CC2D1A: variants seen among roughly 807,000 people sequenced by gnomAD.
The protein encoded by CC2D1A is coiled-coil and C2 domain containing 1A.
CC2D1A carries 68 observed loss-of-function variants against 123.8 expected under a neutral mutation model. The ratio of observed to expected loss-of-function variants is 0.55; its 90% CI spans 0.45 to 0.67. CC2D1A has a LOEUF of 0.67. Ranked by LOEUF, CC2D1A falls within the 30% of genes least tolerant of loss-of-function variation. CC2D1A has a pLI of 0.00. For synonymous variants in CC2D1A, 477 were observed against 528.0 expected (o/e 0.90, Z 1.32); for missense variants, 1,185 against 1,290.3 (o/e 0.92, Z 1.25).
intron 17 of CC2D1A, among the ~76,000 whole-genome samples, chr19:13,925,889 C>T (rs1291434940): frequency 1.5e-5 from 2 of 134,146 alleles, no homozygotes; most frequent in African/African-American, 5.8e-5. Context: ...CATTGTACTC[C>T]AGCCTGGGCG....
intron 1 of CC2D1A, among the ~76,000 whole-genome samples, chr19:13,908,914 C>G (rs566333628): frequency 6.6e-6 from 1 of 151,944 alleles, no homozygotes; most frequent in South Asian, 2.1e-4. Flanking sequence ...TCTCTCCCTC[C>G]CCGGCTCCAT....
In CC2D1A at chr19:13,918,928, G is replaced by A. The variant is rs887935645; in HGVS notation, c.1035G>A (p.Pro345=). 1.1e-5 allele frequency: 18 copies of A among 1,610,618 alleles called. No homozygotes were observed. Among genetic ancestry groups the A allele is most frequent in the Non-Finnish European group, 1.4e-5 (17 of 1,178,140 alleles). The change falls in exon 10 of 29, where the codon CCG becomes CCA. Residue 345 remains proline (P), a synonymous_variant. Coordinates refer to ENST00000318003, the MANE Select transcript of CC2D1A (RefSeq NM_017721.5). ...APSTTEVPPP[P]RTLLEALEQR... is the part of the protein sequence containing the mutation. ...CCGGCCCAGAGGTGCCCCCACCCCC[G>A]AGGACCCTGCTGGAGGCGCTGGAGC... is the stretch of plus-strand genomic sequence containing the variant.
rs1406895398 is a variant in CC2D1A at position 13,930,665 on chromosome 19, G to A, written c.*270G>A. Reference sequence around the variant, plus strand: ...CCCAGGGGTGTCCGGCCTCTGGCCCGCCCCGGAGCAGGGAGGGTGGCTGGG... The same window carrying A: ...CCCAGGGGTGTCCGGCCTCTGGCCCACCCCGGAGCAGGGAGGGTGGCTGGG... On this transcript the variant is annotated 3_prime_UTR_variant, in exon 29 of 29. Transcript: ENST00000318003. This position sits in a 1 kb window ranked among gnomAD's most constrained non-coding sequence, Gnocchi z 6.8. The A allele has an allele frequency of 1.6e-5, 8 of 505,448 alleles. No homozygotes were observed. The highest frequency in any genetic ancestry group is 5.8e-5 in the African/African-American group (3 of 51,396). The allele number at this position is 505,448 out of a possible 1,614,324, so 31.3% of individuals were successfully genotyped here.
At chr19:13,911,854 C>T (rs1971012219) in intron 2 of CC2D1A, among the ~76,000 whole-genome samples, 2 of 151,880 alleles carry the variant, frequency 1.3e-5, no homozygotes, top group Non-Finnish European at 2.9e-5. Flanking sequence ...TAGCTGGGAC[C>T]ACAGGCGCCC....
chr19:13,920,514 C>T, intron 12 of CC2D1A, 43 bp from the exon 13 acceptor site: 3 of 1,188,396 alleles, frequency 2.5e-6, no homozygotes, highest in African/African-American at 1.5e-5. Flanking sequence ...GGACTCATCA[C>T]AGGCGCTACG....
chr19:13,929,712 T>TG (rs560230365), intron 26 of CC2D1A, 52 bp downstream of exon 26: 29 of 190,326 alleles, frequency 1.5e-4, no homozygotes, highest in East Asian at 3.9e-4. Flanking sequence ...AGGATAGGCA[T>TG]GGGGGGGGAG....
chr19:13,918,139 A>C lies in CC2D1A; in HGVS notation c.818A>C (p.His273Pro), dbSNP rs757068406. Residue 273 changes from histidine to proline, a missense_variant, in exon 7 of 29, where the codon CAC becomes CCC. By Grantham distance (77) the His-to-Pro change is moderately conservative. Coordinates refer to ENST00000318003, the MANE Select transcript of CC2D1A (RefSeq NM_017721.5). ...RQRDYKLAAL[H>P]AKQQGDTTAA... is the part of the protein sequence containing the mutation. ...CGCGACTACAAGCTGGCTGCCCTCCACGCCAAGCAGCAGGGAGATACCACT... is the reference window on the plus strand; with the variant it reads ...CGCGACTACAAGCTGGCTGCCCTCCCCGCCAAGCAGCAGGGAGATACCACT... 2 of 1,610,996 alleles carry C rather than the reference A, an allele frequency of 1.2e-6. No homozygotes were observed. Among genetic ancestry groups the C allele is most frequent in the Non-Finnish European group, 1.7e-6 (2 of 1,179,466 alleles).
rs1011061003 is a variant in CC2D1A, at chr19:13,906,457, G to A, written c.16G>A (p.Gly6Arg). MHKRK[G>R]PPGPPGRGAA... ...AGCCTTGAAGATGCACAAGAGGAAA[G>A]GACCCCCGGGACCCCCGGGCAGAGG... is the stretch of plus-strand genomic sequence containing the variant. Residue 6 changes from glycine (G) to arginine (R), a missense_variant, in exon 1 of 29, where the codon GGA becomes AGA. By Grantham distance (125) the Gly-to-Arg change is moderately radical. Coordinates refer to ENST00000318003, the MANE Select transcript of CC2D1A (RefSeq NM_017721.5). This position sits in a 1 kb window ranked among gnomAD's most constrained non-coding sequence, Gnocchi z 4.1. The A allele has an allele frequency of 1.2e-5, 18 of 1,515,346 alleles. No individual in the cohort carries two copies. The African/African-American group carries it at 2.4e-4, about 20-fold the overall frequency. 93.9% of individuals were successfully genotyped at this position (1,515,346 alleles called of 1,614,324 possible).
chr19:13,926,495 T>C (rs747925787), intron 17 of CC2D1A, 22 bp from the exon 18 acceptor site: 4 of 1,611,404 alleles, frequency 2.5e-6, no homozygotes, highest in Middle Eastern at 1.7e-4. Flanking sequence ...CCCACCTGCC[T>C]GCCCACCTGC....
intron 14 of CC2D1A, among the ~76,000 whole-genome samples, chr19:13,921,995 T>TTTTTG (rs368911260): frequency 0.056 from 8,582 of 151,904 alleles, 818 homozygotes; most frequent in African/African-American, 0.2. Context: ...CTCTTTCTTG[T>TTTTTG]TTTTGTTTTG....
At position 13,912,498 on chromosome 19, in the gene CC2D1A, A is replaced by G. The variant is rs368274538; in HGVS notation, c.313-30A>G. ...GGTTGCCCCCATCCAGCAGGCCCTTATATCCTGCCCTGGCTGTGTGTCCCT... is the reference window on the plus strand; with the variant it reads ...GGTTGCCCCCATCCAGCAGGCCCTTGTATCCTGCCCTGGCTGTGTGTCCCT... On this transcript the variant is annotated intron_variant, in intron 3 of 28. Transcript: ENST00000318003. The G allele has an allele frequency of 1.6e-5, 26 of 1,614,008 alleles. No individual in the cohort carries two copies. The African/African-American group carries it at 2.9e-4, about 18-fold the overall frequency.
chr19:13,912,186 C>T (rs1252228053), intron 2 of CC2D1A, 137 bp from the exon 3 acceptor site: 1 of 1,005,762 alleles, frequency 9.9e-7, no homozygotes, highest in Admixed American at 2.8e-5. Context: ...TAGCCAGGCC[C>T]CAGACCTGAG....
Position 13,930,480 on chromosome 19 carries a change from G to A in CC2D1A, c.*85G>A, listed in dbSNP as rs947004430. 7.0e-7 allele frequency: 1 copy of A among 1,426,720 alleles called. No homozygotes were observed. Among genetic ancestry groups the A allele is most frequent in the African/African-American group, 1.4e-5 (1 of 69,844 alleles). The allele number at this position is 1,426,720 out of a possible 1,614,324, so 88.4% of individuals were successfully genotyped here. On this transcript the variant is annotated 3_prime_UTR_variant, in exon 29 of 29. Coordinates refer to ENST00000318003, the MANE Select transcript of CC2D1A (RefSeq NM_017721.5). This position sits in a 1 kb window ranked among gnomAD's most constrained non-coding sequence, Gnocchi z 6.8. ...GCCGACACAGCCACGAACCAGACAAGCAGACAATCAGCGGACAATCGGTTC... is the reference window on the plus strand; with the variant it reads ...GCCGACACAGCCACGAACCAGACAAACAGACAATCAGCGGACAATCGGTTC...
chr19:13,914,705 C>T (rs1599385057), intron 6 of CC2D1A, among the ~76,000 whole-genome samples: 1 of 151,100 alleles, frequency 6.6e-6, no homozygotes, highest in East Asian at 1.9e-4. Flanking sequence ...TAGCATGATC[C>T]TAGTTCACTG....
At chr19:13,910,098 G>GC in intron 2 of CC2D1A, 140 bp downstream of exon 2, 1 of 812,432 alleles carries the variant, frequency 1.2e-6, no homozygotes, top group South Asian at 3.5e-5. Context: ...CTGGGTAAGA[G>GC]AGTCAAGATC....
Position 13,919,868 on chromosome 19 carries a change from C to T in CC2D1A, c.1273C>T (p.Leu425=). ...GGCCACCAAGCCCACCCAGCAGAGTCTGGTGGGTGTCCTGGAGACTGCCAT... is the reference window on the plus strand; with the variant it reads ...GGCCACCAAGCCCACCCAGCAGAGTTTGGTGGGTGTCCTGGAGACTGCCAT... The part of the protein sequence containing the change: ...LEATKPTQQS[L]VGVLETAMKL... Residue 425 remains leucine, a synonymous_variant, in exon 12 of 29, where the codon CTG becomes TTG. Coordinates refer to ENST00000318003, the MANE Select transcript of CC2D1A (RefSeq NM_017721.5). The T allele has an allele frequency of 6.2e-7, 1 of 1,612,892 alleles. No individual in the cohort carries two copies. Among genetic ancestry groups the T allele is most frequent in the Non-Finnish European group, 8.5e-7 (1 of 1,179,658 alleles).
In CC2D1A at chr19:13,914,903, C is replaced by T. The variant is rs776090816; in HGVS notation, c.748+1265C>T. Among the ~76,000 whole-genome samples, 3 of 152,358 alleles carry T rather than the reference C, an allele frequency of 2.0e-5. No homozygotes were observed. In the East Asian group the frequency reaches 5.8e-4, roughly 29 times the overall value. Reference sequence around the variant, plus strand: ...CTAACCTCCCCCTAGGAAAGGAAGGCCTCCCTCCCTCTCTTTGTGATATGA... The same window carrying T: ...CTAACCTCCCCCTAGGAAAGGAAGGTCTCCCTCCCTCTCTTTGTGATATGA... On this transcript the variant is annotated intron_variant, in intron 6 of 28. Coordinates refer to ENST00000318003, the MANE Select transcript of CC2D1A (RefSeq NM_017721.5).
rs1334642123 is a variant in CC2D1A at position 13,930,112 on chromosome 19, C to A, written c.2745C>A (p.Phe915Leu). 1.9e-6 allele frequency: 3 copies of A among 1,611,830 alleles called. No homozygotes were observed. Among genetic ancestry groups the A allele is most frequent in the East Asian group, 4.5e-5 (2 of 44,814 alleles). The change falls in exon 27 of 29, where the codon TTC becomes TTA. Residue 915 changes from phenylalanine (F) to leucine (L), a missense_variant. Coordinates refer to ENST00000318003, the MANE Select transcript of CC2D1A (RefSeq NM_017721.5). This position sits in a 1 kb window ranked among gnomAD's most constrained non-coding sequence, Gnocchi z 6.8. ...CCCAGCTGGAGCGGCAGCTGCAGTT[C>A]TACACGGAGGCTGCCCGGCGCCTGG... ...YAAQLERQLQ[F>L]YTEAARRLGN...
chr19:13,916,523 C>T (rs1296947991), intron 6 of CC2D1A, among the ~76,000 whole-genome samples: 1 of 152,106 alleles, frequency 6.6e-6, no homozygotes, highest in Non-Finnish European at 1.5e-5. Flanking sequence ...GTGATTGCAC[C>T]ACTGCACTCC....
Sources: gnomAD v4.1 joint callset for allele counts (sites outside exome capture counted in the v4.1 genomes callset) on GRCh38, gnomAD v4.1.1 for gene constraint, Gnocchi (gnomAD v3.1) non-coding constraint, MANE v1.5 for transcripts, NCBI Gene and HGNC (gene_info 2026-07-23, HGNC 2026-07-21) for gene names.